ARPC1B: variants seen among roughly 807,000 people sequenced by gnomAD.
The protein encoded by ARPC1B is actin-related protein 2/3 complex subunit 1B.
A neutral mutation model predicts 46.0 loss-of-function variants in ARPC1B; 29 were observed. The observed-to-expected ratio is 0.63, with a 90% CI of 0.47 to 0.86. The LOEUF (loss-of-function observed/expected upper bound fraction) is 0.86, where lower values mean the gene tolerates loss of function less well. ARPC1B is among the 40% of genes least tolerant of loss of function. The pLI, the probability that ARPC1B is intolerant of heterozygous loss-of-function variation, is 0.00. For missense variants in ARPC1B, 469 were observed against 529.4 expected (o/e 0.89, Z 1.12); for synonymous variants, 201 against 213.9 (o/e 0.94, Z 0.53).
At chr7:99,383,702 G>A (rs1454804430) in intron 1 of ARPC1B, among the ~76,000 whole-genome samples, 3 of 152,178 alleles carry the variant, frequency 2.0e-5, no homozygotes, top group Non-Finnish European at 4.4e-5. Context: ...CGTGTGTGCC[G>A]GTATCTGGGG....
chr7:99,382,999 C>T (rs1288199763), intron 1 of ARPC1B, among the ~76,000 whole-genome samples: 1 of 151,858 alleles, frequency 6.6e-6, no homozygotes, highest in Non-Finnish European at 1.5e-5. Context: ...TGTGCGCCAC[C>T]ACGCCCAGCT....
At position 99,392,858 on chromosome 7, in the gene ARPC1B, T is replaced by C. The variant is rs763236374; in HGVS notation, c.971T>C (p.Leu324Pro). 1.3e-6 allele frequency: 2 copies of C among 1,546,826 alleles called. No individual in the cohort carries two copies. The highest frequency in any genetic ancestry group is 3.9e-5 in the Admixed American group (2 of 50,876). Residue 324 changes from leucine to proline, a missense_variant, in exon 8 of 10, where the codon CTG (leucine) becomes CCG (proline). Coordinates refer to ENST00000646101, the MANE Select transcript of ARPC1B (RefSeq NM_005720.4). ...GTAAGAGLDS[L>P]HKNSVSQISV... ...GCTGCGGGCGCGGGCCTAGACTCGC[T>C]GCACAAGAACAGCGTCAGGTGAGAG...
In ARPC1B at chr7:99,386,808, G is replaced by T; in HGVS notation, c.169+19G>T. On this transcript the variant is annotated intron_variant, in intron 3 of 9. Coordinates refer to ENST00000646101, the MANE Select transcript of ARPC1B (RefSeq NM_005720.4). ...GTGACAGGTATGTCAGGGTGGCTGG[G>T]ACCACCGTCCTGAAAGGAGGTGGTG... 4 of 1,593,554 alleles carry T rather than the reference G, an allele frequency of 2.5e-6. No individual in the cohort carries two copies. Among genetic ancestry groups the T allele is most frequent in the Non-Finnish European group, 3.4e-6 (4 of 1,162,668 alleles).
Position 99,388,154 on chromosome 7 carries a change from C to G in ARPC1B, c.285C>G (p.Ile95Met), listed in dbSNP as rs371360829. ...AGCCCACGCTGGTCATCCTGCGGAT[C>G]AACCGGGCTGCCCGCTGCGTGCGCT... ...TWKPTLVILRINRAARCVRWA... is the reference protein window; with the variant it reads ...TWKPTLVILRMNRAARCVRWA... The change falls in exon 4 of 10, where the codon ATC (isoleucine) becomes ATG (methionine). Residue 95 changes from isoleucine to methionine, a missense_variant. Ile to Met is a conservative substitution (Grantham distance 10). Transcript: ENST00000646101. 6 of 1,614,260 alleles carry G rather than the reference C, an allele frequency of 3.7e-6. No individual in the cohort carries two copies. The South Asian group carries it at 4.4e-5, about 12-fold the overall frequency.
intron 2 of ARPC1B, among the ~76,000 whole-genome samples, chr7:99,386,112 G>T (rs774496221): frequency 2.6e-5 from 4 of 151,970 alleles, no homozygotes; most frequent in Non-Finnish European, 5.9e-5. Context: ...TTACCTGGGC[G>T]TGGTGGTGGG....
Position 99,391,019 on chromosome 7 carries a change from T to C in ARPC1B, c.627T>C (p.Cys209=). 1 of 1,613,976 alleles carries C rather than the reference T, an allele frequency of 6.2e-7. No homozygotes were observed. Among genetic ancestry groups the C allele is most frequent in the South Asian group, 1.1e-5 (1 of 91,086 alleles). The change falls in exon 6 of 10, where the codon TGT becomes TGC. Residue 209 remains cysteine (C), a synonymous_variant. Coordinates refer to ENST00000646101, the MANE Select transcript of ARPC1B (RefSeq NM_005720.4). Reference sequence around the variant, plus strand: ...GCTGCGGCTGGGTACATGGCGTCTGTTTCTCAGCCAGCGGGAGCCGCGTGG... The same window carrying C: ...GCTGCGGCTGGGTACATGGCGTCTGCTTCTCAGCCAGCGGGAGCCGCGTGG... ...SSSCGWVHGV[C]FSASGSRVAW...
intron 1 of ARPC1B, among the ~76,000 whole-genome samples, chr7:99,378,322 C>T (rs1187674863): frequency 6.6e-6 from 1 of 151,770 alleles, no homozygotes; most frequent in Non-Finnish European, 1.5e-5. Flanking sequence ...ATCCACCTGG[C>T]TTGGCCTCCC....
Position 99,385,694 on chromosome 7 carries a change from G to A in ARPC1B, c.-13-8G>A, listed in dbSNP as rs374960321. The A allele has an allele frequency of 7.4e-5, 118 of 1,604,444 alleles. No individual in the cohort carries two copies. The highest frequency in any genetic ancestry group is 6.5e-4 in the African/African-American group (49 of 74,956). On this transcript the variant is annotated splice_region_variant and splice_polypyrimidine_tract_variant and intron_variant, in intron 1 of 9. Transcript: ENST00000646101. ...GACGTGGATTCTCTCTTCCTCTCTCGGGCACAGGAGCCAAGCCGCCATGGC... is the reference window on the plus strand; with the variant it reads ...GACGTGGATTCTCTCTTCCTCTCTCAGGCACAGGAGCCAAGCCGCCATGGC...
chr7:99,386,607 T>C (rs1794398006), intron 2 of ARPC1B, 78 bp from the exon 3 acceptor site: 3 of 1,112,336 alleles, frequency 2.7e-6, no homozygotes, highest in East Asian at 4.7e-5. Context: ...TGTTGTTGCC[T>C]AGGTGCACTG....
intron 1 of ARPC1B, among the ~76,000 whole-genome samples, chr7:99,379,978 C>T (rs1035186133): frequency 1.3e-5 from 2 of 152,144 alleles, no homozygotes; most frequent in Non-Finnish European, 2.9e-5. Context: ...TAACATCAAA[C>T]AGGCCCACAG....
chr7:99,388,078 G>A lies in ARPC1B; in HGVS notation c.209G>A (p.Cys70Tyr). The A allele has an allele frequency of 1.2e-6, 2 of 1,613,360 alleles. No individual in the cohort carries two copies. The highest frequency in any genetic ancestry group is 1.7e-6 in the Non-Finnish European group (2 of 1,179,406). ...WAPESNRIVT[C>Y]GTDRNAYVWT... ...CCCGAGAGTAACCGTATTGTGACCT[G>A]CGGCACAGACCGCAACGCCTACGTG... is the stretch of plus-strand genomic sequence containing the variant. The change falls in exon 4 of 10, where the codon TGC becomes TAC. Residue 70 changes from cysteine (C) to tyrosine (Y), a missense_variant. Transcript: ENST00000646101.
At chr7:99,391,333 C>G in intron 7 of ARPC1B, 80 bp downstream of exon 7, 1 of 1,377,246 alleles carries the variant, frequency 7.3e-7, no homozygotes, top group Non-Finnish European at 1.0e-6. Flanking sequence ...TCTCCTCCCT[C>G]CTTTCTCCTG....
chr7:99,377,604 C>T (rs1486230851), intron 1 of ARPC1B: 3 of 151,714 alleles, frequency 2.0e-5, no homozygotes, highest in Admixed American at 6.6e-5. Context: ...TGAGCCACCG[C>T]GCCCAGCTTC....
chr7:99,392,007 A>C (rs1794584214), intron 7 of ARPC1B: 1 of 150,020 alleles, frequency 6.7e-6, no homozygotes, highest in African/African-American at 2.5e-5. Context: ...GCCAAGGGTG[A>C]GCCACCGAGA....
At chr7:99,385,675 G>T in intron 1 of ARPC1B, 27 bp from the exon 2 acceptor site, 2 of 1,591,866 alleles carry the variant, frequency 1.3e-6, no homozygotes, top group Non-Finnish European at 1.7e-6. Context: ...GGCTGACGTG[G>T]ATTCTCTCTT....
In ARPC1B at chr7:99,392,632, C is replaced by G. The variant is rs565297746; in HGVS notation, c.784-39C>G. 54 of 1,436,670 alleles carry G rather than the reference C, an allele frequency of 3.8e-5. No individual in the cohort carries two copies. The East Asian group carries it at 1.3e-3, about 35-fold the overall frequency. The allele number at this position is 1,436,670 out of a possible 1,614,324, so 89.0% of individuals were successfully genotyped here. A position where few individuals can be genotyped will look rare whatever the true frequency, so the allele number is the denominator to read the frequency against. On this transcript the variant is annotated intron_variant, in intron 7 of 9. Transcript: ENST00000646101. ...TGGCCTTCCCTCCGGCCTCGGTTTC[C>G]CCTCCGCGGCGCTCCAATGGCCCCC...
At chr7:99,378,864 C>T (rs2150886239) in intron 1 of ARPC1B, among the ~76,000 whole-genome samples, 1 of 149,130 alleles carries the variant, frequency 6.7e-6, no homozygotes, top group South Asian at 2.1e-4. Context: ...GCAAGCTCCG[C>T]CTTCCGGGTT....
intron 1 of ARPC1B, among the ~76,000 whole-genome samples, chr7:99,380,786 G>A (rs190965444): frequency 7.9e-4 from 120 of 152,324 alleles, no homozygotes; most frequent in African/African-American, 2.8e-3. Flanking sequence ...CCAGGGTTCT[G>A]AGTCTGGGCT....
chr7:99,386,470 A>G (rs1022086019), intron 2 of ARPC1B: 2 of 643,194 alleles, frequency 3.1e-6, no homozygotes, highest in African/African-American at 3.6e-5. Flanking sequence ...GAGAGGTCCC[A>G]GGGTTCATTG....
Sources: gnomAD v4.1 joint callset for allele counts (sites outside exome capture counted in the v4.1 genomes callset) on GRCh38, gnomAD v4.1.1 for gene constraint, MANE v1.5 for transcripts, NCBI Gene and HGNC (gene_info 2026-07-23, HGNC 2026-07-21) for gene names.